Variants in ROBO2 observed in about 807,000 individuals in gnomAD.
ROBO2 encodes the protein roundabout homolog 2.
ROBO2 carries 53 observed loss-of-function variants against 160.8 expected under a neutral mutation model. The ratio of observed to expected loss-of-function variants is 0.33; its 90% CI spans 0.26 to 0.41. The LOEUF is 0.41. Ranked by LOEUF, ROBO2 falls within the 10% of genes least tolerant of loss-of-function variation. ROBO2 has a pLI of 1.00. For missense variants in ROBO2, 1,577 were observed against 1,722.4 expected (o/e 0.92, Z 1.49); for synonymous variants, 664 against 611.7 (o/e 1.09, Z -1.26).
Position 76,092,584 on chromosome 3 carries a change from C to T in ROBO2, c.109+154982C>T, listed in dbSNP as rs544057526. On this transcript the variant is annotated intron_variant, in intron 2 of 26. Transcript: ENST00000487694. ...TACTAGGATCTGGGTCATTGTTACT[C>T]TCTGGGTACCCGCAGTTAACAGGTG... 2.0e-5 allele frequency among the ~76,000 whole-genome samples: 3 copies of T among 152,312 alleles called. No individual in the cohort carries two copies. In the East Asian group the frequency reaches 5.8e-4, roughly 29 times the overall value.
intron 2 of ROBO2, among the ~76,000 whole-genome samples, chr3:76,335,178 G>GTTTTTT (rs34963831): frequency 0.018 from 1,384 of 77,778 alleles, 3 homozygotes; most frequent in Non-Finnish European, 0.025. Context: ...TTTCTGTTTT[G>GTTTTTT]TTTTTTTTTT....
At chr3:76,736,294 A>AAAATAAAATAAAATAAAATAAAATG (rs2093712161) in intron 2 of ROBO2, among the ~76,000 whole-genome samples, 1 of 150,048 alleles carries the variant, frequency 6.7e-6, no homozygotes. Context: ...AAAATAAAAT[A>AAAATAAAATAAAATAAAATAAAATG]AAATAAAATA....
intron 2 of ROBO2, among the ~76,000 whole-genome samples, chr3:75,958,736 A>G (rs1948803933): frequency 6.6e-6 from 1 of 151,888 alleles, no homozygotes; most frequent in African/African-American, 2.4e-5. Context: ...ATATATGTTC[A>G]TCTTCATTAC....
intron 2 of ROBO2, among the ~76,000 whole-genome samples, chr3:76,732,155 G>C (rs1355168463): frequency 5.9e-5 from 9 of 152,046 alleles, no homozygotes. Context: ...GCAAGAAAGT[G>C]AACCCCTGAG....
chr3:77,334,650 A>G (rs886233846), intron 2 of ROBO2, among the ~76,000 whole-genome samples: 2 of 152,188 alleles, frequency 1.3e-5, no homozygotes, highest in African/African-American at 2.4e-5. Flanking sequence ...GAGCAGAGGC[A>G]ATAGCTCTCT....
intron 2 of ROBO2, among the ~76,000 whole-genome samples, chr3:76,631,030 G>T (rs970531431): frequency 7.9e-5 from 12 of 152,054 alleles, no homozygotes; most frequent in African/African-American, 2.9e-4. Context: ...GAATTTAGCT[G>T]TATCTTTCAG....
chr3:76,151,017 G>A (rs961966320), intron 2 of ROBO2, among the ~76,000 whole-genome samples: 23 of 152,042 alleles, frequency 1.5e-4, no homozygotes, highest in African/African-American at 4.6e-4. Context: ...CGACCCTACC[G>A]TGTGTTGGGT....
At chr3:77,536,310 G>A (rs2092097256) in intron 6 of ROBO2, among the ~76,000 whole-genome samples, 1 of 151,962 alleles carries the variant, frequency 6.6e-6, no homozygotes, top group Non-Finnish European at 1.5e-5. Context: ...TTCCCCTCTG[G>A]GAGGAGCACT....
At chr3:76,312,692 G>A (rs34121376) in intron 2 of ROBO2, among the ~76,000 whole-genome samples, 1 of 152,182 alleles carries the variant, frequency 6.6e-6, no homozygotes, top group African/African-American at 2.4e-5. Flanking sequence ...TTAGGATTTA[G>A]CGATGTATGG....
chr3:77,292,379 C>T (rs1316206612), intron 2 of ROBO2, among the ~76,000 whole-genome samples: 1 of 151,796 alleles, frequency 6.6e-6, no homozygotes, highest in Non-Finnish European at 1.5e-5. Context: ...TAAGCTGAGG[C>T]TAGATCACCA....
At chr3:77,633,312 A>G (rs1277877786) in intron 23 of ROBO2, 1 of 152,198 alleles carries the variant, frequency 6.6e-6, no homozygotes, top group Non-Finnish European at 1.5e-5. Context: ...TGAGAGTGAT[A>G]AGTAATCATA....
intron 2 of ROBO2, among the ~76,000 whole-genome samples, chr3:76,771,435 T>G (rs973139734): frequency 6.6e-6 from 1 of 151,390 alleles, no homozygotes; most frequent in African/African-American, 2.4e-5. Context: ...TTTGGTTTGG[T>G]TTTTCTTCCT....
chr3:76,891,662 A>G (rs1219638863), intron 2 of ROBO2, among the ~76,000 whole-genome samples: 1 of 152,174 alleles, frequency 6.6e-6, no homozygotes, highest in East Asian at 1.9e-4. Context: ...CTAATGGTTT[A>G]CGCTTCAGAA....
intron 2 of ROBO2, among the ~76,000 whole-genome samples, chr3:76,049,399 A>ATTTTTTT (rs1204742605): frequency 3.8e-4 from 19 of 50,368 alleles, no homozygotes; most frequent in African/African-American, 1.9e-3. Flanking sequence ...ATATATATAT[A>ATTTTTTT]TATATTTTTT....
intron 2 of ROBO2, among the ~76,000 whole-genome samples, chr3:77,297,763 A>G (rs1259865263): frequency 6.6e-6 from 1 of 152,208 alleles, no homozygotes; most frequent in Non-Finnish European, 1.5e-5. Context: ...GAGGTTTTAC[A>G]TTTAACGGAA....
intron 2 of ROBO2, among the ~76,000 whole-genome samples, chr3:76,211,406 T>C (rs1429790573): frequency 2.0e-5 from 3 of 152,134 alleles, no homozygotes; most frequent in South Asian, 2.1e-4. Context: ...AGATAATAGA[T>C]GATAGTATTT....
intron 2 of ROBO2, among the ~76,000 whole-genome samples, chr3:77,100,245 C>T (rs1036311514): frequency 6.6e-6 from 1 of 151,810 alleles, no homozygotes; most frequent in Non-Finnish European, 1.5e-5. Flanking sequence ...TTACTCATGA[C>T]CTAGAGAGGA....
At chr3:75,995,437 A>G (rs920485814) in intron 2 of ROBO2, among the ~76,000 whole-genome samples, 3 of 152,174 alleles carry the variant, frequency 2.0e-5, no homozygotes, top group Non-Finnish European at 4.4e-5. Context: ...GGTATACAAA[A>G]GTTAAAAAAC....
At chr3:76,217,911 C>T (rs879860357) in intron 2 of ROBO2, among the ~76,000 whole-genome samples, 4 of 152,164 alleles carry the variant, frequency 2.6e-5, no homozygotes, top group Non-Finnish European at 5.9e-5. Context: ...CAAAAATCCT[C>T]AATAAAATTC....
Sources: allele counts gnomAD v4.1 joint callset (sites outside exome capture counted in the v4.1 genomes callset), GRCh38; gene constraint gnomAD v4.1.1; transcripts MANE v1.5; gene names NCBI Gene and HGNC (gene_info 2026-07-23, HGNC 2026-07-21).